TRIM22: variants seen among roughly 807,000 people sequenced by gnomAD.
TRIM22 encodes tripartite motif containing 22, also known as E3 ubiquitin-protein ligase TRIM22.
A neutral mutation model predicts 53.6 loss-of-function variants in TRIM22; 45 were observed. The observed-to-expected ratio is 0.84, with a 90% CI of 0.66 to 1.08. The LOEUF (loss-of-function observed/expected upper bound fraction) is 1.08, where lower values mean the gene tolerates loss of function less well. TRIM22 is among the 50% of genes least tolerant of loss of function. The pLI, the probability that TRIM22 is intolerant of heterozygous loss-of-function variation, is 0.00. For synonymous variants in TRIM22, 225 were observed against 216.6 expected, an observed-to-expected ratio of 1.04 and a Z score of -0.34; for missense variants, 616 against 590.9, an observed-to-expected ratio of 1.04 and a Z score of -0.44.
At chr11:5,696,732 C>A in intron 2 of TRIM22, 77 bp downstream of exon 2, 1 of 1,449,046 alleles carries the variant, frequency 6.9e-7, no homozygotes, top group Non-Finnish European at 9.3e-7. Flanking sequence ...TTTTTTTGTC[C>A]TGCTTTATTC....
intron 4 of TRIM22, among the ~76,000 whole-genome samples, chr11:5,703,546 C>T (rs545928624): frequency 1.2e-4 from 18 of 152,034 alleles, no homozygotes; most frequent in South Asian, 4.2e-4. Context: ...CAACCACGCC[C>T]GGCTAATTTT....
chr11:5,706,131 C>A (rs1853453834), intron 4 of TRIM22, among the ~76,000 whole-genome samples: 1 of 152,162 alleles, frequency 6.6e-6, no homozygotes, highest in African/African-American at 2.4e-5. Context: ...ATGAGGTTTT[C>A]TCATTAAAAA....
Position 5,709,382 on chromosome 11 carries a change from G to A in TRIM22, c.1231G>A (p.Gly411Arg), listed in dbSNP as rs768054463. 2 of 1,614,148 alleles carry A rather than the reference G, an allele frequency of 1.2e-6. No individual in the cohort carries two copies. Among genetic ancestry groups the A allele is most frequent in the Non-Finnish European group, 1.7e-6 (2 of 1,180,026 alleles). The stretch of plus-strand genomic sequence containing the variant: ...ACCTCAATATGGCTACTGGGTTATA[G>A]GATTACAGAATACATGTGAATATAA... Reference protein sequence around the residue: ...YRPQYGYWVIGLQNTCEYNAF... With the variant: ...YRPQYGYWVIRLQNTCEYNAF... The change falls in exon 8 of 8, where the codon GGA becomes AGA. Residue 411 changes from glycine to arginine, a missense_variant. By Grantham distance (125) the Gly-to-Arg change is moderately radical (BLOSUM62 -2). Transcript: ENST00000379965.
chr11:5,706,697 C>A (rs895853334), intron 5 of TRIM22, 81 bp downstream of exon 5: 48 of 1,382,534 alleles, frequency 3.5e-5, no homozygotes, highest in Non-Finnish European at 4.3e-5. Context: ...TCAATCAGAA[C>A]AACTTAAAAA....
At chr11:5,701,413 T>C (rs1853371390) in intron 4 of TRIM22, among the ~76,000 whole-genome samples, 1 of 151,900 alleles carries the variant, frequency 6.6e-6, no homozygotes, top group African/African-American at 2.4e-5. Context: ...AATTCTATTG[T>C]TGCGTAAGAA....
intron 6 of TRIM22, 58 bp downstream of exon 6, chr11:5,708,331 G>C (rs1171006457): frequency 4.4e-5 from 67 of 1,508,440 alleles, no homozygotes; most frequent in Non-Finnish European, 5.6e-5. Context: ...GGGCTCAATA[G>C]GGAAGCGGGA....
At chr11:5,705,116 A>T (rs531171471) in intron 4 of TRIM22, among the ~76,000 whole-genome samples, 7 of 152,328 alleles carry the variant, frequency 4.6e-5, no homozygotes, top group African/African-American at 1.7e-4. Flanking sequence ...TTAGGCATGT[A>T]TATGTTACTC....
intron 1 of TRIM22, among the ~76,000 whole-genome samples, chr11:5,693,844 C>G: frequency 6.6e-6 from 1 of 151,888 alleles, no homozygotes; most frequent in Non-Finnish European, 1.5e-5. Flanking sequence ...AAATATATTG[C>G]CTTACAATTC....
At chr11:5,705,798 G>A (rs1195989825) in intron 4 of TRIM22, among the ~76,000 whole-genome samples, 2 of 152,148 alleles carry the variant, frequency 1.3e-5, no homozygotes, top group African/African-American at 4.8e-5. Context: ...CACTATTCGG[G>A]ACAGTGGGGT....
chr11:5,707,072 C>T (rs1853470499), intron 5 of TRIM22, among the ~76,000 whole-genome samples: 1 of 152,114 alleles, frequency 6.6e-6, no homozygotes, highest in Non-Finnish European at 1.5e-5. Context: ...AGATTCAAGT[C>T]TTGAGGAATA....
intron 4 of TRIM22, among the ~76,000 whole-genome samples, chr11:5,702,311 C>A (rs1853387311): frequency 7.0e-6 from 1 of 141,854 alleles, no homozygotes; most frequent in Admixed American, 7.2e-5. Context: ...AACTAATATG[C>A]CTAATAATAT....
intron 1 of TRIM22, 47 bp downstream of exon 1, chr11:5,689,946 GA>G (rs1853148171): frequency 1.3e-5 from 2 of 152,312 alleles, no homozygotes; most frequent in Non-Finnish European, 2.9e-5. Context: ...GCTTTGAGAA[GA>G]ATAGATTGAT....
At chr11:5,702,843 G>A (rs923136076) in intron 4 of TRIM22, among the ~76,000 whole-genome samples, 3 of 152,032 alleles carry the variant, frequency 2.0e-5, no homozygotes, top group African/African-American at 7.2e-5. Flanking sequence ...TAACGTTTAT[G>A]GCAAAGTATT....
intron 1 of TRIM22, 112 bp from the exon 2 acceptor site, chr11:5,696,052 TTTC>T: frequency 1.1e-5 from 6 of 523,658 alleles, no homozygotes; most frequent in Non-Finnish European, 2.0e-5. Context: ...TCTTCATGCC[TTTC>T]TTTTCTCCTT....
intron 2 of TRIM22, chr11:5,696,947 G>A (rs1853274514): frequency 3.9e-6 from 2 of 511,602 alleles, no homozygotes; most frequent in South Asian, 6.2e-5. Context: ...TTGGGAACAC[G>A]TCTGGTTAGA....
chr11:5,708,612 A>C lies in TRIM22; in HGVS notation c.901+9A>C, dbSNP rs767935462. 6.2e-7 allele frequency: 1 copy of C among 1,605,660 alleles called. No individual in the cohort carries two copies. Among genetic ancestry groups the C allele is most frequent in the East Asian group, 2.2e-5 (1 of 44,782 alleles). On this transcript the variant is annotated intron_variant, in intron 7 of 7. Coordinates refer to ENST00000379965, the MANE Select transcript of TRIM22 (RefSeq NM_006074.5). ...TGTCCAGTACTACTGGGGTAAGATG[A>C]TATGGGGTTTTCAAATCACTTCCTT... is the stretch of plus-strand genomic sequence containing the variant.
rs931363778 is a variant in TRIM22 at position 5,710,425 on chromosome 11, C to G, written c.*777C>G. 6.6e-6 allele frequency: 1 copy of G among 152,164 alleles called. No homozygotes were observed. Among genetic ancestry groups the G allele is most frequent in the Non-Finnish European group, 1.5e-5 (1 of 68,012 alleles). 9.4% of individuals were successfully genotyped at this position (152,164 alleles called of 1,614,324 possible). On this transcript the variant is annotated 3_prime_UTR_variant, in exon 8 of 8. Transcript: ENST00000379965. ...CATATCCACGTTATCTAGCAAAGTA[C>G]ATAAGAATCTATCACTAAGTAATGT...
Position 5,698,521 on chromosome 11 carries a change from G to A in TRIM22, c.726G>A (p.Arg242=), listed in dbSNP as rs774740628. The part of the protein sequence containing the change: ...TLISDLQRRL[R]GSSVEMLQDV... The stretch of plus-strand genomic sequence containing the variant: ...TCTCAGATCTCCAGCGGAGGTTGAG[G>A]GGATCGTCAGTAGAGATGCTGCAGG... Residue 242 remains arginine, a synonymous_variant, in exon 4 of 8, where the codon AGG becomes AGA. Coordinates refer to ENST00000379965, the MANE Select transcript of TRIM22 (RefSeq NM_006074.5). The A allele has an allele frequency of 8.1e-6, 13 of 1,613,548 alleles. No individual in the cohort carries two copies. Among genetic ancestry groups the A allele is most frequent in the South Asian group, 3.3e-5 (3 of 91,030 alleles).
At chr11:5,699,192 C>T (rs1035062808) in intron 4 of TRIM22, among the ~76,000 whole-genome samples, 23 of 152,172 alleles carry the variant, frequency 1.5e-4, no homozygotes, top group African/African-American at 5.5e-4. Flanking sequence ...TGTCCTCATA[C>T]AAACATGTTT....
Sources: gnomAD v4.1 joint callset for allele counts (sites outside exome capture counted in the v4.1 genomes callset) on GRCh38, gnomAD v4.1.1 for gene constraint, MANE v1.5 for transcripts, NCBI Gene and HGNC (gene_info 2026-07-23, HGNC 2026-07-21) for gene names.